The following MYH11 variants were observed in gnomAD, a reference collection of about 807,000 sequenced individuals.
MYH11 encodes the protein myosin heavy chain 11.
In MYH11, 80 loss-of-function variants were observed where a neutral mutation model predicts 246.6. The ratio of observed to expected loss-of-function variants is 0.32; its 90% CI spans 0.27 to 0.39. The LOEUF is 0.39. MYH11 is among the 10% of genes least tolerant of loss of function. MYH11 has a pLI of 1.00. For synonymous variants in MYH11, 1,071 were observed against 1,015.5 expected, an observed-to-expected ratio of 1.05 and a Z score of -1.04; for missense variants, 2,158 against 2,546.8, an observed-to-expected ratio of 0.85 and a Z score of 3.29.
intron 3 of MYH11, among the ~76,000 whole-genome samples, chr16:15,816,347 G>T (rs997945313): frequency 6.6e-6 from 1 of 152,016 alleles, no homozygotes; most frequent in Admixed American, 6.6e-5. Flanking sequence ...ATTAAAAGGA[G>T]ATTAACACAT....
Position 15,720,307 on chromosome 16 carries a change from G to C in MYH11, c.4797C>G (p.His1599Gln). 1 of 1,613,834 alleles carries C rather than the reference G, an allele frequency of 6.2e-7. No homozygotes were observed. The highest frequency in any genetic ancestry group is 8.5e-7 in the Non-Finnish European group (1 of 1,179,908). The change falls in exon 34 of 41, where the codon CAC becomes CAG. Residue 1599 changes from histidine to glutamine, a missense_variant. By Grantham distance (24) the His-to-Gln change is conservative. Around this residue, in one of 11 missense-constraint regions of MYH11, gnomAD observed 1,013 missense variants for 993.5 expected, o/e 1.02. Coordinates refer to ENST00000300036, the MANE Select transcript of MYH11 (RefSeq NM_002474.3). ...CGTCTTCCAGTTCCGTCTCATACTC[G>C]TGAAGCTGGGCGAGGAATAGAGATG... is the stretch of plus-strand genomic sequence containing the variant. ...EKRRQLQRQLHEYETELEDER... is the reference protein window; with the variant it reads ...EKRRQLQRQLQEYETELEDER...
At chr16:15,722,568 C>T (rs528794583) in intron 31 of MYH11, among the ~76,000 whole-genome samples, 1 of 152,158 alleles carries the variant, frequency 6.6e-6, no homozygotes, top group Non-Finnish European at 1.5e-5. Flanking sequence ...AAAGCAACCT[C>T]AGGCCTTCAA....
intron 32 of MYH11, 110 bp downstream of exon 32, chr16:15,721,312 T>C (rs2040467134): frequency 1.6e-6 from 2 of 1,284,054 alleles, no homozygotes; most frequent in Admixed American, 1.8e-5. Flanking sequence ...CCATTTCCGA[T>C]GATAGTTCGC....
At chr16:15,752,995 C>T (rs951945208) in intron 15 of MYH11, among the ~76,000 whole-genome samples, 1 of 152,170 alleles carries the variant, frequency 6.6e-6, no homozygotes, top group Non-Finnish European at 1.5e-5. Context: ...TATTGCATCT[C>T]CTGTTTTACT....
chr16:15,826,713 T>C (rs1403968904), intron 2 of MYH11, among the ~76,000 whole-genome samples: 1 of 152,042 alleles, frequency 6.6e-6, no homozygotes, highest in East Asian at 1.9e-4. Context: ...ACAGGATTGT[T>C]GGGCGCAGTG....
At chr16:15,741,297 T>A in intron 22 of MYH11, 166 bp downstream of exon 22, 1 of 785,630 alleles carries the variant, frequency 1.3e-6, no homozygotes, top group South Asian at 1.5e-5. Flanking sequence ...TGTGTTCCAG[T>A]CCCAATCCCA....
chr16:15,751,410 G>T (rs1189708092), intron 15 of MYH11, among the ~76,000 whole-genome samples: 1 of 151,648 alleles, frequency 6.6e-6, no homozygotes. Context: ...TGATTCCCCT[G>T]CCTTGGCCTC....
At chr16:15,723,329 TGATA>T (rs1381101282) in intron 31 of MYH11, among the ~76,000 whole-genome samples, 1 of 152,058 alleles carries the variant, frequency 6.6e-6, no homozygotes. Context: ...AGATAAGGCA[TGATA>T]GATAGAATTA....
chr16:15,703,840 T>C lies in MYH11; in HGVS notation c.*151A>G. The C allele has an allele frequency of 9.5e-7, 1 of 1,047,320 alleles. No individual in the cohort carries two copies. The highest frequency in any genetic ancestry group is 1.5e-6 in the Non-Finnish European group (1 of 681,580). The allele number at this position is 1,047,320 out of a possible 1,614,324, so 64.9% of individuals were successfully genotyped here. On this transcript the variant is annotated 3_prime_UTR_variant, in exon 41 of 41. Transcript: ENST00000300036. ...TTTTATATTCCTTGTGTGAGGGGTG[T>C]CTGTGATATTTGGAATTTGAGAATG... is the stretch of plus-strand genomic sequence containing the variant.
At chr16:15,723,706 C>T (rs2040602140) in intron 31 of MYH11, among the ~76,000 whole-genome samples, 1 of 151,998 alleles carries the variant, frequency 6.6e-6, no homozygotes, top group Non-Finnish European at 1.5e-5. Context: ...CAGGTGGTGG[C>T]CTTAAAGGTG....
intron 25 of MYH11, 50 bp downstream of exon 25, chr16:15,737,399 C>T (rs1237090669): frequency 3.7e-6 from 6 of 1,602,464 alleles, no homozygotes; most frequent in Non-Finnish European, 5.1e-6. Flanking sequence ...TGAGCAGGGG[C>T]CCAGGGGATA....
intron 28 of MYH11, 185 bp from the exon 29 acceptor site, chr16:15,725,177 C>A: frequency 1.6e-6 from 1 of 634,408 alleles, no homozygotes; most frequent in Non-Finnish European, 2.8e-6. Flanking sequence ...AAAACAGAAT[C>A]TGTGGCTTGA....
At chr16:15,781,901 T>C (rs1017753255) in intron 6 of MYH11, among the ~76,000 whole-genome samples, 3 of 152,194 alleles carry the variant, frequency 2.0e-5, no homozygotes, top group African/African-American at 7.2e-5. Context: ...ACCAGAGTAA[T>C]TGTACACAGT....
intron 9 of MYH11, among the ~76,000 whole-genome samples, chr16:15,769,431 C>T (rs1264031443): frequency 2.0e-5 from 3 of 152,248 alleles, no homozygotes; most frequent in Non-Finnish European, 2.9e-5. Context: ...GCCTGCAAGG[C>T]AGAGATTGCA....
intron 3 of MYH11, among the ~76,000 whole-genome samples, chr16:15,810,822 T>C (rs1171889858): frequency 1.3e-5 from 2 of 152,206 alleles, no homozygotes; most frequent in Non-Finnish European, 2.9e-5. Context: ...CCACAGCACA[T>C]TTAAGAGCTT....
In MYH11 at chr16:15,719,654, G is replaced by T. The variant is rs772418529; in HGVS notation, c.5013C>A (p.Ile1671=). Residue 1671 remains isoleucine (I), a synonymous_variant, in exon 35 of 41, where the codon ATC becomes ATA. Transcript: ENST00000300036. ...LEDARASRDE[I]FATAKENEKK... Reference sequence around the variant, plus strand: ...TCTCATTCTCTTTGGCTGTGGCAAAGATCTCATCTCTGGAGGCACGGGCAT... The same window carrying T: ...TCTCATTCTCTTTGGCTGTGGCAAATATCTCATCTCTGGAGGCACGGGCAT... The T allele has an allele frequency of 3.1e-6, 5 of 1,614,194 alleles. No homozygotes were observed. Among genetic ancestry groups the T allele is most frequent in the Middle Eastern group, 1.6e-4 (1 of 6,062 alleles).
chr16:15,815,502 A>ATTC (rs2043242299), intron 3 of MYH11, among the ~76,000 whole-genome samples: 1 of 152,200 alleles, frequency 6.6e-6, no homozygotes, highest in Non-Finnish European at 1.5e-5. Flanking sequence ...TAAAGTGATG[A>ATTC]AAATGACAAA....
chr16:15,828,243 G>C (rs1054065360), intron 2 of MYH11, among the ~76,000 whole-genome samples: 1 of 152,306 alleles, frequency 6.6e-6, no homozygotes, highest in East Asian at 1.9e-4. Flanking sequence ...GCGAGATAAT[G>C]CTCGAAAAGC....
chr16:15,821,177 T>C, intron 3 of MYH11, among the ~76,000 whole-genome samples: 1 of 152,208 alleles, frequency 6.6e-6, no homozygotes, highest in Non-Finnish European at 1.5e-5. Context: ...TGGCCTGCAA[T>C]GTCATTTTTC....
Sources: gnomAD v4.1 joint callset for allele counts (sites outside exome capture counted in the v4.1 genomes callset) on GRCh38, gnomAD v4.1.1 for gene constraint, gnomAD v4.1.1 regional missense constraint, MANE v1.5 for transcripts, NCBI Gene and HGNC (gene_info 2026-07-23, HGNC 2026-07-21) for gene names.